PBX3: variants seen among roughly 807,000 people sequenced by gnomAD.
The protein encoded by PBX3 is pre-B-cell leukemia transcription factor 3.
PBX3 carries 14 observed loss-of-function variants against 48.5 expected under a neutral mutation model. That is an observed-to-expected ratio of 0.29 (90% CI 0.19 to 0.45). The LOEUF is 0.45. PBX3 is among the 20% of genes least tolerant of loss of function. The pLI, the probability that PBX3 is intolerant of heterozygous loss-of-function variation, is 1.00. For synonymous variants in PBX3, 210 were observed against 200.3 expected, an observed-to-expected ratio of 1.05 and a Z score of -0.41; for missense variants, 386 against 546.7, an observed-to-expected ratio of 0.71 and a Z score of 2.93.
intron 2 of PBX3, among the ~76,000 whole-genome samples, chr9:125,790,009 T>A (rs2132059382): frequency 6.6e-6 from 1 of 152,286 alleles, no homozygotes. Context: ...TATTTGTATT[T>A]TGTAGATGTA....
intron 2 of PBX3, among the ~76,000 whole-genome samples, chr9:125,867,916 C>T (rs1427185874): frequency 6.6e-6 from 1 of 151,722 alleles, no homozygotes; most frequent in African/African-American, 2.4e-5. Flanking sequence ...TGTTTTGTTT[C>T]CCAGGCTGGA....
At chr9:125,914,047 A>T (rs1238919124) in intron 2 of PBX3, among the ~76,000 whole-genome samples, 1 of 152,214 alleles carries the variant, frequency 6.6e-6, no homozygotes, top group Non-Finnish European at 1.5e-5. Context: ...AAAATTAAAG[A>T]TTTAAATTAA....
At chr9:125,965,744 C>A in intron 8 of PBX3, 87 bp from the exon 9 acceptor site, 2 of 971,230 alleles carry the variant, frequency 2.1e-6, no homozygotes, top group Non-Finnish European at 3.3e-6. Flanking sequence ...TGCATCTCTG[C>A]TCTCATGTTG....
chr9:125,957,070 T>A (rs1350435641), intron 5 of PBX3, among the ~76,000 whole-genome samples: 3 of 152,224 alleles, frequency 2.0e-5, no homozygotes, highest in Non-Finnish European at 4.4e-5. Flanking sequence ...AATTACCCCA[T>A]CTCAGTTGCA....
chr9:125,756,326 T>C (rs1836517538), intron 2 of PBX3, among the ~76,000 whole-genome samples: 2 of 152,186 alleles, frequency 1.3e-5, no homozygotes, highest in South Asian at 4.1e-4. Flanking sequence ...ATAAAGCTAT[T>C]TTGTGATATT....
intron 2 of PBX3, among the ~76,000 whole-genome samples, chr9:125,861,139 A>G (rs1400474418): frequency 6.6e-6 from 1 of 151,726 alleles, no homozygotes; most frequent in Non-Finnish European, 1.5e-5. Context: ...CCCTCCCACA[A>G]AAAAAATTAA....
At chr9:125,790,200 A>G (rs888849111) in intron 2 of PBX3, among the ~76,000 whole-genome samples, 3 of 152,150 alleles carry the variant, frequency 2.0e-5, no homozygotes, top group Admixed American at 1.3e-4. Flanking sequence ...GATCTCTAAT[A>G]TCTGACAGAA....
At chr9:125,807,883 C>G (rs1264058526) in intron 2 of PBX3, among the ~76,000 whole-genome samples, 1 of 152,154 alleles carries the variant, frequency 6.6e-6, no homozygotes, top group African/African-American at 2.4e-5. Context: ...AAAGAGACAT[C>G]TCTTTATAAA....
intron 2 of PBX3, among the ~76,000 whole-genome samples, chr9:125,804,190 G>T (rs943545841): frequency 6.6e-6 from 1 of 152,194 alleles, no homozygotes; most frequent in African/African-American, 2.4e-5. Context: ...CAGTGGTAGG[G>T]TTTATAAATA....
rs572249544 is a variant in PBX3, at chr9:125,769,698, A to G, written c.274+21075A>G. 4.4e-4 allele frequency among the ~76,000 whole-genome samples: 67 copies of G among 152,332 alleles called. 2 individuals are homozygous for G. The South Asian group carries it at 0.013, about 29-fold the overall frequency. On this transcript the variant is annotated intron_variant, in intron 2 of 8. Coordinates refer to ENST00000373489, the MANE Select transcript of PBX3 (RefSeq NM_006195.6). ...TAGTCAGTCTTGACTGCACACATAA[A>G]GGGAAAAAAAGGATAGATCAACAGA... is the stretch of plus-strand genomic sequence containing the variant.
At chr9:125,813,311 G>T (rs1171248582) in intron 2 of PBX3, among the ~76,000 whole-genome samples, 1 of 151,506 alleles carries the variant, frequency 6.6e-6, no homozygotes. Flanking sequence ...ACACACATTG[G>T]CATAGGCCAA....
intron 2 of PBX3, among the ~76,000 whole-genome samples, chr9:125,862,415 T>C (rs1048468222): frequency 7.9e-5 from 12 of 151,832 alleles, no homozygotes; most frequent in African/African-American, 2.9e-4. Flanking sequence ...TGAGACGGAG[T>C]TTCACTGTGT....
intron 2 of PBX3, among the ~76,000 whole-genome samples, chr9:125,780,394 C>G (rs1379976842): frequency 9.1e-6 from 1 of 109,626 alleles, no homozygotes; most frequent in Non-Finnish European, 1.8e-5. Context: ...CCAGACGGGG[C>G]GGCTGGCCGG....
chr9:125,907,584 C>G (rs903112730), intron 2 of PBX3, among the ~76,000 whole-genome samples: 1 of 151,912 alleles, frequency 6.6e-6, no homozygotes, highest in African/African-American at 2.4e-5. Context: ...TTCTTGAGTT[C>G]GTGGTATCCC....
At chr9:125,799,274 G>A (rs1837870002) in intron 2 of PBX3, among the ~76,000 whole-genome samples, 2 of 152,132 alleles carry the variant, frequency 1.3e-5, no homozygotes, top group African/African-American at 4.8e-5. Flanking sequence ...AGCACTTTGG[G>A]GGCCAAGGTG....
At chr9:125,817,887 C>A (rs1239269648) in intron 2 of PBX3, among the ~76,000 whole-genome samples, 2 of 152,090 alleles carry the variant, frequency 1.3e-5, no homozygotes, top group African/African-American at 2.4e-5. Flanking sequence ...GATGATGGAC[C>A]ATTCACAAAG....
chr9:125,852,373 CT>C (rs531387330), intron 2 of PBX3, among the ~76,000 whole-genome samples: 164 of 152,090 alleles, frequency 1.1e-3, no homozygotes, highest in African/African-American at 3.8e-3. Context: ...CTTTTTTTCC[CT>C]TTATAGTAAA....
intron 2 of PBX3, among the ~76,000 whole-genome samples, chr9:125,843,051 G>A (rs1839329328): frequency 1.3e-5 from 2 of 151,104 alleles, no homozygotes; most frequent in African/African-American, 2.5e-5. Context: ...GGGCTTGATT[G>A]ACTTACTTGG....
chr9:125,828,931 C>G (rs893328553), intron 2 of PBX3, among the ~76,000 whole-genome samples: 1 of 152,174 alleles, frequency 6.6e-6, no homozygotes, highest in Non-Finnish European at 1.5e-5. Context: ...CTCCCTTGAT[C>G]AATGAGAAAA....
Sources: gnomAD v4.1 joint callset for allele counts (sites outside exome capture counted in the v4.1 genomes callset) on GRCh38, gnomAD v4.1.1 for gene constraint, MANE v1.5 for transcripts, NCBI Gene and HGNC (gene_info 2026-07-23, HGNC 2026-07-21) for gene names.